Variants in STAM2 observed in about 807,000 individuals in gnomAD.
The protein encoded by STAM2 is signal transducing adaptor molecule 2.
A neutral mutation model predicts 65.6 loss-of-function variants in STAM2; 51 were observed. The ratio of observed to expected loss-of-function variants is 0.78; its 90% CI spans 0.62 to 0.98. The LOEUF (loss-of-function observed/expected upper bound fraction) is 0.98. STAM2 is among the 50% of genes least tolerant of loss of function. STAM2 has a pLI of 0.00. For synonymous variants in STAM2, 198 were observed against 208.4 expected (o/e 0.95, Z 0.43); for missense variants, 584 against 617.8 (o/e 0.95, Z 0.58).
rs746586824 is a variant in STAM2 at position 152,148,106 on chromosome 2, A to G, written c.218T>C (p.Val73Ala). 6.2e-7 allele frequency: 1 copy of G among 1,609,656 alleles called. No homozygotes were observed. Among genetic ancestry groups the G allele is most frequent in the African/African-American group, 1.3e-5 (1 of 74,986 alleles). ...LQALTLLGAC[V>A]ANCGKIFHLE... ...ATGAAATATCTTTCCACAGTTTGCC[A>G]CACAAGCCCCAAGAAGCTATTAATT... The change falls in exon 4 of 14, where the codon GTG becomes GCG. Residue 73 changes from valine (V) to alanine (A), a missense_variant. Val to Ala is a moderately conservative substitution (Grantham distance 64). Transcript: ENST00000263904.
chr2:152,126,582 A>G (rs1259336995), intron 11 of STAM2, among the ~76,000 whole-genome samples: 1 of 152,126 alleles, frequency 6.6e-6, no homozygotes, highest in African/African-American at 2.4e-5. Context: ...GAGGCAGGAG[A>G]ATAGGGTCTG....
intron 10 of STAM2, 28 bp from the exon 11 acceptor site, chr2:152,132,196 T>C (rs376636471): frequency 2.3e-5 from 36 of 1,574,106 alleles, no homozygotes; most frequent in Non-Finnish European, 3.1e-5. Context: ...CTTACAAATA[T>C]AGAAACTTAA....
chr2:152,155,889 C>T (rs537721618), intron 1 of STAM2, among the ~76,000 whole-genome samples: 1 of 152,076 alleles, frequency 6.6e-6, no homozygotes, highest in African/African-American at 2.4e-5. Flanking sequence ...AATATTTTTA[C>T]GAATTTTTTG....
At chr2:152,170,107 G>A (rs1243619575) in intron 1 of STAM2, among the ~76,000 whole-genome samples, 1 of 151,578 alleles carries the variant, frequency 6.6e-6, no homozygotes, top group Non-Finnish European at 1.5e-5. Flanking sequence ...AAAGTGCTGG[G>A]ATTACAGGCA....
intron 12 of STAM2, chr2:152,124,826 A>T (rs1367594111): frequency 6.6e-6 from 1 of 152,228 alleles, no homozygotes; most frequent in East Asian, 1.9e-4. Context: ...TGTGAGAATC[A>T]GCGTCTTCTG....
intron 1 of STAM2, among the ~76,000 whole-genome samples, chr2:152,157,241 A>G (rs1689571698): frequency 6.6e-6 from 1 of 152,190 alleles, no homozygotes; most frequent in Non-Finnish European, 1.5e-5. Flanking sequence ...ATGAGTCTCT[A>G]TGGGGTCTAG....
At chr2:152,143,224 A>T (rs919118435) in intron 7 of STAM2, among the ~76,000 whole-genome samples, 1 of 152,232 alleles carries the variant, frequency 6.6e-6, no homozygotes, top group African/African-American at 2.4e-5. Context: ...AGTGTGTTAT[A>T]AATAACTAAG....
chr2:152,168,114 A>G (rs1448779676), intron 1 of STAM2, among the ~76,000 whole-genome samples: 1 of 152,090 alleles, frequency 6.6e-6, no homozygotes, highest in Non-Finnish European at 1.5e-5. Flanking sequence ...ATCACTTGTC[A>G]AGTAACCAGA....
At chr2:152,128,481 A>T (rs979684396) in intron 11 of STAM2, among the ~76,000 whole-genome samples, 5 of 152,184 alleles carry the variant, frequency 3.3e-5, no homozygotes, top group Non-Finnish European at 5.9e-5. Flanking sequence ...CATGCTAACA[A>T]ATGCATAACT....
chr2:152,156,777 T>C (rs1377231590), intron 1 of STAM2, among the ~76,000 whole-genome samples: 1 of 152,164 alleles, frequency 6.6e-6, no homozygotes, highest in Non-Finnish European at 1.5e-5. Flanking sequence ...AAATAGGCTC[T>C]ATCAGTAATA....
At chr2:152,146,373 A>G (rs1689337776) in intron 5 of STAM2, among the ~76,000 whole-genome samples, 1 of 152,064 alleles carries the variant, frequency 6.6e-6, no homozygotes, top group Non-Finnish European at 1.5e-5. Context: ...CCATATCTTA[A>G]TATTAATGGG....
chr2:152,122,048 CAA>C lies in STAM2; in HGVS notation c.1350-1248_1350-1247del, dbSNP rs1172684242. On this transcript the variant is annotated intron_variant, in intron 13 of 13. Coordinates refer to ENST00000263904, the MANE Select transcript of STAM2 (RefSeq NM_005843.6). ...GGGTGACAGAGTGAGACTCCGTCCC[CAA>C]AAAAAAAATATATATATATATATAT... Among the ~76,000 whole-genome samples, 948 of 117,508 alleles carry C rather than the reference CAA, an allele frequency of 8.1e-3. 6 individuals carry two copies. Among genetic ancestry groups the C allele is most frequent in the African/African-American group, 0.026 (780 of 30,164 alleles). The allele number at this position is 117,508 out of a possible 152,430, so 77.1% of individuals were successfully genotyped here.
At chr2:152,129,739 A>T (rs1689024610) in intron 11 of STAM2, among the ~76,000 whole-genome samples, 1 of 152,234 alleles carries the variant, frequency 6.6e-6, no homozygotes, top group East Asian at 1.9e-4. Context: ...CATCTATCAT[A>T]ATACTTTTTA....
chr2:152,152,136 T>C (rs1689457621), intron 1 of STAM2, among the ~76,000 whole-genome samples: 1 of 152,196 alleles, frequency 6.6e-6, no homozygotes, highest in African/African-American at 2.4e-5. Context: ...AGACGGGGTT[T>C]TGCCATGTTG....
intron 5 of STAM2, among the ~76,000 whole-genome samples, chr2:152,146,953 T>C (rs1245305408): frequency 6.6e-6 from 1 of 152,212 alleles, no homozygotes; most frequent in Non-Finnish European, 1.5e-5. Flanking sequence ...ACACTATGTC[T>C]GATTAACTTC....
chr2:152,147,362 C>T (rs1689354402), intron 4 of STAM2, 54 bp from the exon 5 acceptor site: 3 of 1,409,952 alleles, frequency 2.1e-6, no homozygotes, highest in East Asian at 2.5e-5. Flanking sequence ...AAAATAAGTA[C>T]TTAAATTATT....
chr2:152,171,073 A>G (rs1444953310), intron 1 of STAM2, among the ~76,000 whole-genome samples: 6 of 152,232 alleles, frequency 3.9e-5, no homozygotes, highest in South Asian at 2.1e-4. Context: ...AAAAACATCC[A>G]AACAATATAT....
chr2:152,123,167 C>T (rs987598147), intron 13 of STAM2, among the ~76,000 whole-genome samples: 8 of 151,506 alleles, frequency 5.3e-5, no homozygotes, highest in Non-Finnish European at 1.0e-4. Context: ...GTCAGGAGTT[C>T]GAGACCAGCC....
intron 11 of STAM2, among the ~76,000 whole-genome samples, chr2:152,127,409 A>G (rs910430082): frequency 6.6e-6 from 1 of 152,210 alleles, no homozygotes; most frequent in Non-Finnish European, 1.5e-5. Flanking sequence ...TGAGAATTCA[A>G]TTATTAAAAA....
Sources: allele counts gnomAD v4.1 joint callset (sites outside exome capture counted in the v4.1 genomes callset), GRCh38; gene constraint gnomAD v4.1.1; transcripts MANE v1.5; gene names NCBI Gene and HGNC (gene_info 2026-07-23, HGNC 2026-07-21).